Variants in HM13 observed in about 807,000 individuals in gnomAD.
The protein encoded by HM13 is histocompatibility minor 13.
HM13 carries 18 observed loss-of-function variants against 50.0 expected under a neutral mutation model. The ratio of observed to expected loss-of-function variants is 0.36; its 90% CI spans 0.25 to 0.53. The LOEUF is 0.53. HM13 is among the 20% of genes least tolerant of loss of function. The pLI, the probability that HM13 is intolerant of heterozygous loss-of-function variation, is 0.90. For synonymous variants in HM13, 197 were observed against 232.6 expected, an observed-to-expected ratio of 0.85 and a Z score of 1.39; for missense variants, 393 against 552.4, an observed-to-expected ratio of 0.71 and a Z score of 2.89.
chr20:31,543,074 T>A (rs1983532075), intron 3 of HM13, among the ~76,000 whole-genome samples: 1 of 152,144 alleles, frequency 6.6e-6, no homozygotes. Flanking sequence ...CAAAACTGAT[T>A]CAGCAAACTA....
chr20:31,565,836 C>G (rs944991875), intron 10 of HM13, among the ~76,000 whole-genome samples: 4 of 152,134 alleles, frequency 2.6e-5, no homozygotes, highest in Admixed American at 6.6e-5. Flanking sequence ...ATAATAGCAT[C>G]TCCTGGAGCA....
rs773522778 is a variant in HM13 at position 31,561,610 on chromosome 20, T to C, written c.846-24T>C. ...CAGTCCCTATATCTAACCCTCCTCC[T>C]CTTTCTTCACACCTTCCCTGCAGCT... On this transcript the variant is annotated intron_variant, in intron 9 of 12. Coordinates refer to ENST00000398174, the MANE Select transcript of HM13 (RefSeq NM_178581.3). The C allele has an allele frequency of 2.6e-6, 4 of 1,522,902 alleles. No homozygotes were observed. In the Admixed American group the frequency reaches 6.7e-5, roughly 25 times the overall value. The allele number at this position is 1,522,902 out of a possible 1,614,324, so 94.3% of individuals were successfully genotyped here. A position where few individuals can be genotyped will look rare whatever the true frequency, so the allele number is the denominator to read the frequency against.
At chr20:31,540,643 A>G (rs1338910417) in intron 3 of HM13, 1 of 152,152 alleles carries the variant, frequency 6.6e-6, no homozygotes, top group Non-Finnish European at 1.5e-5. Flanking sequence ...CCCTTTTAGA[A>G]TAATAACTAA....
At chr20:31,516,797 G>A (rs543247756) in intron 1 of HM13, among the ~76,000 whole-genome samples, 1 of 152,264 alleles carries the variant, frequency 6.6e-6, no homozygotes, top group East Asian at 1.9e-4. Flanking sequence ...AACAGGACCT[G>A]ACCATTAAGA....
At chr20:31,531,633 A>G (rs889409183) in intron 2 of HM13, among the ~76,000 whole-genome samples, 1 of 150,982 alleles carries the variant, frequency 6.6e-6, no homozygotes, top group Non-Finnish European at 1.5e-5. Context: ...GGAGTCTGTC[A>G]CCCAGGCTGG....
chr20:31,565,751 A>G (rs544555406), intron 10 of HM13, among the ~76,000 whole-genome samples: 112 of 152,260 alleles, frequency 7.4e-4, no homozygotes, highest in African/African-American at 2.7e-3. Context: ...TGGGGGAGCC[A>G]GTGACCAGCT....
intron 4 of HM13, chr20:31,548,465 G>A (rs1002926629): frequency 1.6e-5 from 3 of 187,440 alleles, no homozygotes; most frequent in Non-Finnish European, 3.4e-5. Context: ...CTAGTGAACT[G>A]AGGCTGCCGC....
rs73233668 is a variant in HM13, at chr20:31,551,748, G to A, written c.724+1627G>A. Among the ~76,000 whole-genome samples, 682 of 152,270 alleles carry A rather than the reference G, an allele frequency of 4.5e-3. 9 individuals carry two copies. Among genetic ancestry groups the A allele is most frequent in the African/African-American group, 0.016 (655 of 41,548 alleles). Reference sequence around the variant, plus strand: ...AGGCAGTCGTTGGGGGAGACTGGGGGAGATTCCACTCAGGGGATCAAGAAA... The same window carrying A: ...AGGCAGTCGTTGGGGGAGACTGGGGAAGATTCCACTCAGGGGATCAAGAAA... On this transcript the variant is annotated intron_variant, in intron 7 of 12. Coordinates refer to ENST00000398174, the MANE Select transcript of HM13 (RefSeq NM_178581.3).
chr20:31,538,739 T>A, intron 3 of HM13: 1 of 754,724 alleles, frequency 1.3e-6, no homozygotes, highest in Non-Finnish European at 1.6e-6. Context: ...TTAATAGCTC[T>A]GTGATCTTGG....
At chr20:31,568,807 G>A (rs538335687) in intron 12 of HM13, among the ~76,000 whole-genome samples, 5 of 152,242 alleles carry the variant, frequency 3.3e-5, no homozygotes, top group East Asian at 1.9e-4. Flanking sequence ...CTTTTTCCAC[G>A]CTACAGCAGA....
chr20:31,568,284 G>A, intron 12 of HM13, 60 bp downstream of exon 12: 1 of 1,585,924 alleles, frequency 6.3e-7, no homozygotes. Flanking sequence ...GCCCAAGGTA[G>A]GGCAGACACT....
In HM13 at chr20:31,548,118, G is replaced by T. The variant is rs143404436; in HGVS notation, c.455-911G>T. 1.2e-4 allele frequency: 122 copies of T among 1,017,508 alleles called. 1 individual carries two copies. In the African/African-American group the frequency reaches 1.5e-3, roughly 13 times the overall value. 63.0% of individuals were successfully genotyped at this position (1,017,508 alleles called of 1,614,324 possible). A position where few individuals can be genotyped will look rare whatever the true frequency, so the allele number is the denominator to read the frequency against. ...TTGTGTCGTATGTGTGTTTGTGTCT[G>T]TGTGTGACAGCGTGAATACAATGCC... On this transcript the variant is annotated intron_variant, in intron 4 of 12. Coordinates refer to ENST00000398174, the MANE Select transcript of HM13 (RefSeq NM_178581.3).
chr20:31,565,015 A>G (rs541313223), intron 10 of HM13, among the ~76,000 whole-genome samples: 145 of 142,902 alleles, frequency 1.0e-3, no homozygotes, highest in African/African-American at 3.5e-3. Context: ...AATACAAAAA[A>G]ATTAGCCGGG....
At chr20:31,568,036 A>G (rs1234598719) in intron 11 of HM13, 42 bp from the exon 12 acceptor site, 8 of 1,498,810 alleles carry the variant, frequency 5.3e-6, no homozygotes, top group Admixed American at 2.0e-5. Flanking sequence ...GTCTTTCCCT[A>G]TCCATCTCTT....
intron 1 of HM13, among the ~76,000 whole-genome samples, chr20:31,520,929 A>G (rs575698882): frequency 1.5e-4 from 23 of 152,340 alleles, no homozygotes; most frequent in African/African-American, 5.0e-4. Context: ...AACCGTGCCA[A>G]TGGCTTGAAG....
At position 31,569,196 on chromosome 20, in the gene HM13, G is replaced by C; in HGVS notation, c.1258G>C (p.Gly420Arg). The change falls in exon 13 of 13, where the codon GGG (glycine) becomes CGG (arginine). Residue 420 changes from glycine (G) to arginine (R), a missense_variant. Coordinates refer to ENST00000398174, the MANE Select transcript of HM13 (RefSeq NM_178581.3). ...GGGAACAGAGGCATCAGCATCGAAG[G>C]GGCTGGAGAAGAAAGAGAAATGATG... ...KEGTEASASK[G>R]LEKKEK 1 of 1,599,156 alleles carries C rather than the reference G, an allele frequency of 6.3e-7. No individual in the cohort carries two copies. Among genetic ancestry groups the C allele is most frequent in the South Asian group, 1.1e-5 (1 of 89,244 alleles).
intron 1 of HM13, among the ~76,000 whole-genome samples, chr20:31,524,844 G>C (rs1982394020): frequency 1.3e-5 from 2 of 151,390 alleles, no homozygotes; most frequent in African/African-American, 4.9e-5. Context: ...CTCCCGAGTA[G>C]CTGGGACTAC....
intron 4 of HM13, among the ~76,000 whole-genome samples, chr20:31,545,613 A>T (rs890592548): frequency 1.6e-4 from 24 of 152,076 alleles, no homozygotes; most frequent in African/African-American, 3.1e-4. Flanking sequence ...AAAAAATTGT[A>T]AAAAAATGCA....
chr20:31,529,932 A>C (rs558042054), intron 2 of HM13, among the ~76,000 whole-genome samples: 34 of 152,114 alleles, frequency 2.2e-4, no homozygotes, highest in Non-Finnish European at 4.3e-4. Context: ...GTGCCACTGC[A>C]CTTCAGCCTG....
Sources: allele counts gnomAD v4.1 joint callset (sites outside exome capture counted in the v4.1 genomes callset), GRCh38; gene constraint gnomAD v4.1.1; transcripts MANE v1.5; gene names NCBI Gene and HGNC (gene_info 2026-07-23, HGNC 2026-07-21).